TES: variants seen among roughly 807,000 people sequenced by gnomAD.
TES encodes the protein testin LIM domain protein.
Under a neutral mutation model 48.2 loss-of-function variants are expected in TES, and 41 were observed. The observed-to-expected ratio is 0.85, with a 90% CI of 0.66 to 1.10. TES has a LOEUF of 1.10. TES is among the 50% of genes least tolerant of loss of function. The pLI is 0.00. For missense variants in TES, 463 were observed against 515.1 expected (o/e 0.90, Z 0.98); for synonymous variants, 162 against 174.9 (o/e 0.93, Z 0.58).
At chr7:116,233,932 T>C (rs980572191) in intron 1 of TES, among the ~76,000 whole-genome samples, 1 of 152,166 alleles carries the variant, frequency 6.6e-6, no homozygotes, top group African/African-American at 2.4e-5. Context: ...GGAGCCCTCA[T>C]TGCTAACTGC....
At chr7:116,210,866 C>A (rs1281869164) in intron 1 of TES, 132 bp downstream of exon 1, 2 of 816,858 alleles carry the variant, frequency 2.4e-6, no homozygotes, top group Non-Finnish European at 3.3e-6. Flanking sequence ...GTCTGCGGTG[C>A]CCCGGGCCCA....
At position 116,250,441 on chromosome 7, in the gene TES, C is replaced by T. The variant is rs1443309773; in HGVS notation, c.647C>T (p.Pro216Leu). 6.3e-7 allele frequency: 1 copy of T among 1,598,956 alleles called. No individual in the cohort carries two copies. Reference protein sequence around the residue: ...MNIPGGDRSTPAAVGAMEDKS... With the variant: ...MNIPGGDRSTLAAVGAMEDKS... ...ATTCCTGGAGGGGATAGAAGCACCC[C>T]AGCAGCAGTGGGGGCCATGGAGGAC... The change falls in exon 4 of 7, where the codon CCA becomes CTA. Residue 216 changes from proline to leucine, a missense_variant. Transcript: ENST00000358204.
At chr7:116,240,519 A>G (rs1799832057) in intron 2 of TES, among the ~76,000 whole-genome samples, 1 of 151,788 alleles carries the variant, frequency 6.6e-6, no homozygotes, top group Non-Finnish European at 1.5e-5. Flanking sequence ...TAATGTTTGC[A>G]TATATATGTG....
intron 1 of TES, among the ~76,000 whole-genome samples, chr7:116,225,078 G>A (rs1799605859): frequency 6.6e-6 from 1 of 151,746 alleles, no homozygotes; most frequent in Non-Finnish European, 1.5e-5. Flanking sequence ...TATTTTAGCT[G>A]GCAGGTAGTA....
At chr7:116,210,817 G>C (rs916260442) in intron 1 of TES, 83 bp downstream of exon 1, 1 of 1,183,224 alleles carries the variant, frequency 8.5e-7, no homozygotes, top group Non-Finnish European at 1.1e-6. Context: ...GCCGAGGTGG[G>C]TGGGGCTCGC....
intron 1 of TES, among the ~76,000 whole-genome samples, chr7:116,212,066 TG>T (rs1371922915): frequency 6.6e-6 from 1 of 152,182 alleles, no homozygotes; most frequent in East Asian, 1.9e-4. Flanking sequence ...TTGCTTGTCA[TG>T]GGGGAAAAGC....
intron 1 of TES, among the ~76,000 whole-genome samples, chr7:116,230,771 T>C (rs1285285907): frequency 6.6e-6 from 1 of 150,432 alleles, no homozygotes; most frequent in African/African-American, 2.4e-5. Flanking sequence ...GAAAGTGCTT[T>C]ACAATTTTTT....
intron 4 of TES, 195 bp from the exon 5 acceptor site, chr7:116,251,565 C>T: frequency 3.6e-6 from 2 of 559,068 alleles, no homozygotes. Context: ...CGCCTGTAGT[C>T]CCAGCTACTC....
intron 1 of TES, chr7:116,211,536 T>C (rs1333509203): frequency 6.6e-6 from 1 of 152,262 alleles, no homozygotes; most frequent in Non-Finnish European, 1.5e-5. Context: ...GGGACCAGAC[T>C]ATGACTCAGA....
chr7:116,247,864 A>G (rs73719153), intron 2 of TES, among the ~76,000 whole-genome samples: 18,234 of 152,096 alleles, frequency 0.12, 1,100 homozygotes, highest in South Asian at 0.19. Context: ...GGTGTTTTAC[A>G]TGGGTAAATT....
intron 1 of TES, among the ~76,000 whole-genome samples, chr7:116,222,418 T>C (rs1424696747): frequency 6.6e-6 from 1 of 152,142 alleles, no homozygotes; most frequent in African/African-American, 2.4e-5. Flanking sequence ...TTTCTTTCAT[T>C]CTCCAGTCTG....
rs539532814 is a variant in TES at position 116,217,018 on chromosome 7, G to A, written c.27+6284G>A. On this transcript the variant is annotated intron_variant, in intron 1 of 6. Coordinates refer to ENST00000358204, the MANE Select transcript of TES (RefSeq NM_015641.4). ...TGTTCTAGACTCTGGGGTTATAGTT[G>A]TGAACAAGAATGACACTGAACTTAA... Among the ~76,000 whole-genome samples, 44 of 152,210 alleles carry A rather than the reference G, an allele frequency of 2.9e-4. No homozygotes were observed. The South Asian group carries it at 8.5e-3, about 29-fold the overall frequency.
rs1800124328 is a variant in TES, at chr7:116,257,772, C to G, written c.*290C>G. 4.7e-6 allele frequency: 1 copy of G among 210,958 alleles called. No homozygotes were observed. The highest frequency in any genetic ancestry group is 9.4e-6 in the Non-Finnish European group (1 of 106,340). The allele number at this position is 210,958 out of a possible 1,614,324, so 13.1% of individuals were successfully genotyped here. The stretch of plus-strand genomic sequence containing the variant: ...TTGGATCTCATTAAACTTCATGTCT[C>G]TATTCCATTTGTGCCACACACTTAA... On this transcript the variant is annotated 3_prime_UTR_variant, in exon 7 of 7. Coordinates refer to ENST00000358204, the MANE Select transcript of TES (RefSeq NM_015641.4).
In TES at chr7:116,219,347, GAGCTAGTATA is replaced by G. The variant is rs536464519; in HGVS notation, c.27+8616_27+8625del. Among the ~76,000 whole-genome samples the G allele has an allele frequency of 1.2e-3, 182 of 152,248 alleles. 1 individual carries two copies. The highest frequency in any genetic ancestry group is 4.2e-3 in the African/African-American group (173 of 41,558). On this transcript the variant is annotated intron_variant, in intron 1 of 6. Coordinates refer to ENST00000358204, the MANE Select transcript of TES (RefSeq NM_015641.4). ...GTTTGAATTAAAGAGGTATGTCACT[GAGCTAGTATA>G]AGACCCTAGCCCACAGCTGAAGAGT... is the stretch of plus-strand genomic sequence containing the variant.
chr7:116,219,911 A>T (rs1325701488), intron 1 of TES, among the ~76,000 whole-genome samples: 1 of 152,144 alleles, frequency 6.6e-6, no homozygotes, highest in Non-Finnish European at 1.5e-5. Context: ...TTAACTTTGC[A>T]GTATCCCTTA....
chr7:116,250,149 C>G lies in TES; in HGVS notation c.367-12C>G. ...GCCAATCCCAGTTAACATTGGCCTCCTTGTGGTTCAGGCCAGGCAGTACAT... is the reference window on the plus strand; with the variant it reads ...GCCAATCCCAGTTAACATTGGCCTCGTTGTGGTTCAGGCCAGGCAGTACAT... On this transcript the variant is annotated splice_polypyrimidine_tract_variant and intron_variant, in intron 3 of 6. Coordinates refer to ENST00000358204, the MANE Select transcript of TES (RefSeq NM_015641.4). The G allele has an allele frequency of 6.7e-7, 1 of 1,501,426 alleles. No individual in the cohort carries two copies. The highest frequency in any genetic ancestry group is 2.4e-5 in the East Asian group (1 of 42,426). 93.0% of individuals were successfully genotyped at this position (1,501,426 alleles called of 1,614,324 possible). A position where few individuals can be genotyped will look rare whatever the true frequency, so the allele number is the denominator to read the frequency against.
chr7:116,239,834 G>T (rs1467831983), intron 2 of TES, among the ~76,000 whole-genome samples: 2 of 152,140 alleles, frequency 1.3e-5, no homozygotes, highest in African/African-American at 4.8e-5. Context: ...GATAAAGAGT[G>T]TTTATTGAAA....
chr7:116,230,550 G>C (rs1308189110), intron 1 of TES, among the ~76,000 whole-genome samples: 1 of 152,168 alleles, frequency 6.6e-6, no homozygotes, highest in Non-Finnish European at 1.5e-5. Flanking sequence ...AGCAGAGCTT[G>C]AGAGGTGCTC....
chr7:116,211,308 C>G (rs1193598395), intron 1 of TES: 1 of 152,238 alleles, frequency 6.6e-6, no homozygotes, highest in Non-Finnish European at 1.5e-5. Flanking sequence ...CATTACTTGT[C>G]TACCGACCGA....
Sources: allele counts gnomAD v4.1 joint callset (sites outside exome capture counted in the v4.1 genomes callset), GRCh38; gene constraint gnomAD v4.1.1; transcripts MANE v1.5; gene names NCBI Gene and HGNC (gene_info 2026-07-23, HGNC 2026-07-21).